Variants in CFAP69 observed in about 807,000 individuals in gnomAD.
The protein encoded by CFAP69 is cilia and flagella associated protein 69.
In CFAP69, 92 loss-of-function variants were observed where a neutral mutation model predicts 123.0. The ratio of observed to expected loss-of-function variants is 0.75; its 90% CI spans 0.63 to 0.89. CFAP69 has a LOEUF of 0.89. CFAP69 is among the 40% of genes least tolerant of loss of function. The pLI, the probability that CFAP69 is intolerant of heterozygous loss-of-function variation, is 0.00. For missense variants in CFAP69, 1,067 were observed against 1,096.9 expected, an observed-to-expected ratio of 0.97 and a Z score of 0.39; for synonymous variants, 380 against 364.3, an observed-to-expected ratio of 1.04 and a Z score of -0.49.
intron 11 of CFAP69, among the ~76,000 whole-genome samples, chr7:90,279,043 T>A (rs1789035481): frequency 6.6e-6 from 1 of 152,148 alleles, no homozygotes; most frequent in African/African-American, 2.4e-5. Flanking sequence ...TCTGTTGTCA[T>A]AATAGCTATG....
chr7:90,283,205 T>TA, intron 13 of CFAP69, 149 bp downstream of exon 13: 1 of 532,312 alleles, frequency 1.9e-6, no homozygotes, highest in Non-Finnish European at 3.1e-6. Flanking sequence ...ATTGCTGCTA[T>TA]AAATTAGTGT....
the CFAP69 span, chr7:90,321,385 C>T: frequency 6.6e-6 from 1 of 152,526 alleles, no homozygotes; most frequent in Non-Finnish European, 1.5e-5. Flanking sequence ...CGAGGCCCCT[C>T]CCTGACCTCG....
chr7:90,253,076 G>A (rs999091367), intron 1 of CFAP69, among the ~76,000 whole-genome samples: 12 of 152,084 alleles, frequency 7.9e-5, no homozygotes, highest in Admixed American at 3.9e-4. Flanking sequence ...GGATTTTTTC[G>A]CTTTTGTTTG....
Position 90,286,333 on chromosome 7 carries a change from T to C in CFAP69, c.1590T>C (p.Val530=), listed in dbSNP as rs747299752. The C allele has an allele frequency of 3.1e-6, 5 of 1,610,466 alleles. No homozygotes were observed. Among genetic ancestry groups the C allele is most frequent in the Non-Finnish European group, 4.2e-6 (5 of 1,177,988 alleles). The change falls in exon 14 of 23, where the codon GTT becomes GTC. Residue 530 remains valine, a synonymous_variant. Coordinates refer to ENST00000389297, the MANE Select transcript of CFAP69 (RefSeq NM_001039706.3). The stretch of plus-strand genomic sequence containing the variant: ...CTAATGAAAAGGAAGAAGCCATTGT[T>C]TTGGAAATCCAGTCTGATATATTAC... ...SKPNEKEEAI[V]LEIQSDILLI...
At position 90,266,467 on chromosome 7, in the gene CFAP69, C is replaced by A. The variant is rs184697699; in HGVS notation, c.433+1090C>A. Among the ~76,000 whole-genome samples the A allele has an allele frequency of 1.7e-3, 254 of 152,240 alleles. No individual in the cohort carries two copies. The Middle Eastern group carries it at 0.031, about 18-fold the overall frequency. Reference sequence around the variant, plus strand: ...CCAAAAGAGGACATGGTAGTATTAACAGATAAAAAGTGTAGTTTTTGTTGG... The same window carrying A: ...CCAAAAGAGGACATGGTAGTATTAAAAGATAAAAAGTGTAGTTTTTGTTGG... On this transcript the variant is annotated intron_variant, in intron 5 of 22. Coordinates refer to ENST00000389297, the MANE Select transcript of CFAP69 (RefSeq NM_001039706.3).
At chr7:90,256,563 T>C (rs184274265) in intron 2 of CFAP69, among the ~76,000 whole-genome samples, 5 of 151,892 alleles carry the variant, frequency 3.3e-5, no homozygotes, top group East Asian at 3.9e-4. Context: ...GGGTTGACCA[T>C]AGTATAGCCT....
intron 1 of CFAP69, among the ~76,000 whole-genome samples, chr7:90,248,594 A>G (rs1796596263): frequency 1.3e-5 from 2 of 152,194 alleles, no homozygotes. Context: ...AATAGGGAAA[A>G]CAATAGTTTA....
downstream of CFAP69, among the ~76,000 whole-genome samples, chr7:90,314,590 C>G (rs1321572741): frequency 2.0e-5 from 3 of 150,676 alleles, no homozygotes; most frequent in Non-Finnish European, 4.4e-5. Flanking sequence ...GATTGCACCA[C>G]TGACAGAGCA....
At chr7:90,264,105 ATATATATATATATAT>A (rs1457074864) in intron 4 of CFAP69, among the ~76,000 whole-genome samples, 2,452 of 71,420 alleles carry the variant, frequency 0.034, 401 homozygotes, top group Middle Eastern at 0.041. Flanking sequence ...AAAAAAAAAA[ATATATATATATATAT>A]ATATATATAT....
chr7:90,253,906 G>C (rs147509519), intron 1 of CFAP69, among the ~76,000 whole-genome samples: 3 of 152,268 alleles, frequency 2.0e-5, no homozygotes, highest in African/African-American at 7.2e-5. Flanking sequence ...AAAAAAACCT[G>C]TGCCCAGACT....
chr7:90,250,227 A>AGAGAGAGAGAGAGAGG (rs1562832569), intron 1 of CFAP69, among the ~76,000 whole-genome samples: 1 of 117,538 alleles, frequency 8.5e-6, no homozygotes. Context: ...AGAGAGAGAG[A>AGAGAGAGAGAGAGAGG]GAGAGAGACT....
At chr7:90,277,153 A>G in intron 10 of CFAP69, 32 bp downstream of exon 10, 3 of 1,575,010 alleles carry the variant, frequency 1.9e-6, no homozygotes, top group Non-Finnish European at 2.6e-6. Flanking sequence ...ACTTCTTATA[A>G]TTATCTTGAT....
At position 90,256,736 on chromosome 7, in the gene CFAP69, T is replaced by A. The variant is rs188562074; in HGVS notation, c.180+1254T>A. Among the ~76,000 whole-genome samples, 986 of 152,322 alleles carry A rather than the reference T, an allele frequency of 6.5e-3. 4 individuals are homozygous for A. Among genetic ancestry groups the A allele is most frequent in the Non-Finnish European group, 9.9e-3 (676 of 68,028 alleles). On this transcript the variant is annotated intron_variant, in intron 2 of 22. Transcript: ENST00000389297. ...TGTTGTGAAAAGTTATTTTTTATTG[T>A]GACTATATCTACATTTCCTTAAAAA...
intron 1 of CFAP69, among the ~76,000 whole-genome samples, chr7:90,254,613 G>C (rs187431122): frequency 2.0e-5 from 3 of 152,096 alleles, no homozygotes; most frequent in African/African-American, 7.2e-5. Flanking sequence ...ATGAGAGCAC[G>C]GCATTTTTCT....
intron 18 of CFAP69, chr7:90,304,351 A>C (rs1255292259): frequency 8.0e-7 from 1 of 1,256,382 alleles, no homozygotes; most frequent in African/African-American, 1.6e-5. Flanking sequence ...AGATAGGATT[A>C]AGGACAGTTA....
intron 15 of CFAP69, among the ~76,000 whole-genome samples, chr7:90,289,671 G>A (rs184800971): frequency 6.6e-6 from 1 of 152,062 alleles, no homozygotes; most frequent in Non-Finnish European, 1.5e-5. Flanking sequence ...AGTACTTTTA[G>A]TGCCCTGTTT....
chr7:90,249,246 C>A (rs1433941058), intron 1 of CFAP69, among the ~76,000 whole-genome samples: 4 of 150,390 alleles, frequency 2.7e-5, no homozygotes, highest in Non-Finnish European at 3.0e-5. Context: ...TTCCTCTTTG[C>A]TCTCTCTCTC....
At chr7:90,318,247 CT>C in the CFAP69 span, 5 of 152,228 alleles carry the variant, frequency 3.3e-5, no homozygotes, top group South Asian at 2.1e-4. Flanking sequence ...GCTTCACATC[CT>C]TTTTGAAATA....
rs1562932164 is a variant in CFAP69 at position 90,309,374 on chromosome 7, T to TA, written c.2655+7_2655+8insA. On this transcript the variant is annotated splice_region_variant and intron_variant, in intron 22 of 22. Transcript: ENST00000389297. Reference sequence around the variant, plus strand: ...TAAAGGCCTTAACACAACGGTAAGATTCTTTCTCCATAACATTTTCTTAAT... The same window carrying TA: ...TAAAGGCCTTAACACAACGGTAAGATATCTTTCTCCATAACATTTTCTTAAT... 7.0e-7 allele frequency: 1 copy of TA among 1,418,448 alleles called. No homozygotes were observed. The highest frequency in any genetic ancestry group is 2.3e-5 in the East Asian group (1 of 42,884). 87.9% of individuals were successfully genotyped at this position (1,418,448 alleles called of 1,614,324 possible).
Sources: allele counts gnomAD v4.1 joint callset (sites outside exome capture counted in the v4.1 genomes callset), GRCh38; gene constraint gnomAD v4.1.1; transcripts MANE v1.5; gene names NCBI Gene and HGNC (gene_info 2026-07-23, HGNC 2026-07-21).